BRAF: variants seen among roughly 807,000 people sequenced by gnomAD.
BRAF encodes B-Raf proto-oncogene, serine/threonine kinase, also known as serine/threonine-protein kinase B-raf.
A neutral mutation model predicts 104.6 loss-of-function variants in BRAF; 16 were observed. The ratio of observed to expected loss-of-function variants is 0.15; its 90% CI spans 0.10 to 0.23. BRAF has a LOEUF of 0.23. Ranked by LOEUF, BRAF falls within the 10% of genes least tolerant of loss-of-function variation. The pLI, the probability that BRAF is intolerant of heterozygous loss-of-function variation, is 1.00. For missense variants in BRAF, 541 were observed against 937.3 expected, an observed-to-expected ratio of 0.58 and a Z score of 5.52; for synonymous variants, 310 against 341.6, an observed-to-expected ratio of 0.91 and a Z score of 1.02.
Position 140,808,019 on chromosome 7 carries a change from T to C in BRAF, c.652A>G (p.Thr218Ala), listed in dbSNP as rs766353093. 3.1e-6 allele frequency: 5 copies of C among 1,613,496 alleles called. No homozygotes were observed. The highest frequency in any genetic ancestry group is 4.2e-6 in the Non-Finnish European group (5 of 1,179,566). Residue 218 changes from threonine to alanine, a missense_variant, in exon 5 of 20, where the codon ACT becomes GCT. By Grantham distance (58) the Thr-to-Ala change is moderately conservative. Transcript: ENST00000644969. ...ACTTCCACATGCAATTCTTCTCCAGTAAGCCAGGAAATATCAGTGTCCCAA... is the reference window on the plus strand; with the variant it reads ...ACTTCCACATGCAATTCTTCTCCAGCAAGCCAGGAAATATCAGTGTCCCAA... Reference protein sequence around the residue: ...IGWDTDISWLTGEELHVEVLE... With the variant: ...IGWDTDISWLAGEELHVEVLE...
At position 140,834,680 on chromosome 7, in the gene BRAF, C is replaced by T. The variant is rs1369170225; in HGVS notation, c.433G>A (p.Ala145Thr). Residue 145 changes from alanine to threonine, a missense_variant, in exon 3 of 20, where the codon GCA becomes ACA. Coordinates refer to ENST00000644969, the MANE Select transcript of BRAF (RefSeq NM_001374258.1). The stretch of plus-strand genomic sequence containing the variant: ...TGTGGTGACTTGGGGTTGCTCCGTG[C>T]CACATCTGTGGGATTTTGAAAAACT... ...LSVFQNPTDV[A>T]RSNPKSPQKP... 1 of 1,614,008 alleles carries T rather than the reference C, an allele frequency of 6.2e-7. No individual in the cohort carries two copies. The highest frequency in any genetic ancestry group is 8.5e-7 in the Non-Finnish European group (1 of 1,180,010).
intron 12 of BRAF, 124 bp from the exon 12 acceptor site, chr7:140,778,199 A>C (rs1800516746): frequency 1.1e-6 from 1 of 874,072 alleles, no homozygotes. Context: ...ATCACAAATA[A>C]ATTATACTTT....
At chr7:140,871,334 A>G (rs1811573198) in intron 1 of BRAF, among the ~76,000 whole-genome samples, 1 of 152,002 alleles carries the variant, frequency 6.6e-6, no homozygotes, top group African/African-American at 2.4e-5. Context: ...ATCAGCTTAC[A>G]GGGATTTCTG....
chr7:140,736,486 G>A lies in BRAF; in HGVS notation c.2248-1716C>T, dbSNP rs900313339. On this transcript the variant is annotated intron_variant, in intron 18 of 19. Coordinates refer to ENST00000644969, the MANE Select transcript of BRAF (RefSeq NM_001374258.1). ...CTTGTTGCCCAGGCTGGAGTGCAAT[G>A]GTGCGATCTCGGCTCACCGCAACCT... Among the ~76,000 whole-genome samples, 30 of 150,438 alleles carry A rather than the reference G, an allele frequency of 2.0e-4. 1 individual carries two copies. Among genetic ancestry groups the A allele is most frequent in the African/African-American group, 6.8e-4 (28 of 40,960 alleles).
At chr7:140,753,990 A>G (rs1797999414) in intron 15 of BRAF, 197 bp downstream of exon 14, 1 of 608,082 alleles carries the variant, frequency 1.6e-6, no homozygotes, top group Non-Finnish European at 2.9e-6. Context: ...ATTTTCTTGT[A>G]ATGTTCAGTT....
chr7:140,859,086 T>C (rs781479109), intron 1 of BRAF, among the ~76,000 whole-genome samples: 35 of 152,294 alleles, frequency 2.3e-4, no homozygotes, highest in Middle Eastern at 6.8e-3. Flanking sequence ...AGTAACATTA[T>C]AAAGAATCTA....
chr7:140,834,219 A>G (rs569089677), intron 3 of BRAF: 2 of 293,644 alleles, frequency 6.8e-6, no homozygotes, highest in Admixed American at 9.3e-5. Flanking sequence ...CATATCAATC[A>G]CACTGAACGT....
chr7:140,873,341 T>G lies in BRAF; in HGVS notation c.139-23129A>C, dbSNP rs188760171. 3.9e-5 allele frequency among the ~76,000 whole-genome samples: 6 copies of G among 152,278 alleles called. No homozygotes were observed. In the South Asian group the frequency reaches 6.2e-4, roughly 16 times the overall value. On this transcript the variant is annotated intron_variant, in intron 1 of 19. Transcript: ENST00000644969. ...ATGCACCACCATGCCTAGCTATTTT[T>G]GTATCTTTAGTACAGACAGGGTTTC...
chr7:140,741,243 T>C (rs967722698), intron 17 of BRAF: 1 of 152,180 alleles, frequency 6.6e-6, no homozygotes, highest in South Asian at 2.1e-4. Flanking sequence ...TTCTACAAGG[T>C]TGGTGTTGAC....
chr7:140,778,778 A>G (rs1800568357), intron 12 of BRAF, among the ~76,000 whole-genome samples: 1 of 152,098 alleles, frequency 6.6e-6, no homozygotes, highest in African/African-American at 2.4e-5. Flanking sequence ...TAACGTCAAC[A>G]CTGCCAGTAG....
At position 140,763,357 on chromosome 7, in the gene BRAF, C is replaced by T. The variant is rs367592628; in HGVS notation, c.1815-9124G>A. Among the ~76,000 whole-genome samples, 2,052 of 149,870 alleles carry T rather than the reference C, an allele frequency of 0.014. 129 individuals are homozygous for T. In the East Asian group the frequency reaches 0.22, roughly 16 times the overall value. ...GGGGCTGACCCCCCCACCTCCCTCCCGGACGGGGCAGCTGGCTGGGCAGAG... is the reference window on the plus strand; with the variant it reads ...GGGGCTGACCCCCCCACCTCCCTCCTGGACGGGGCAGCTGGCTGGGCAGAG... On this transcript the variant is annotated intron_variant, in intron 14 of 19. Coordinates refer to ENST00000644969, the MANE Select transcript of BRAF (RefSeq NM_001374258.1).
rs570205186 is a variant in BRAF at position 140,898,875 on chromosome 7, C to T, written c.138+25691G>A. ...TGTTTACGAATAGAATCATGTTGCA[C>T]TTAATCTTTTGTGACTTGGTTCTAA... On this transcript the variant is annotated intron_variant, in intron 1 of 19. Coordinates refer to ENST00000644969, the MANE Select transcript of BRAF (RefSeq NM_001374258.1). 5.9e-5 allele frequency among the ~76,000 whole-genome samples: 9 copies of T among 152,190 alleles called. No homozygotes were observed. The South Asian group carries it at 1.0e-3, about 18-fold the overall frequency.
chr7:140,721,403 A>G lies in BRAF; in HGVS notation c.*5091T>C. 1 of 1,253,472 alleles carries G rather than the reference A, an allele frequency of 8.0e-7. No homozygotes were observed. The highest frequency in any genetic ancestry group is 4.1e-5 in the Admixed American group (1 of 24,300). The allele number at this position is 1,253,472 out of a possible 1,614,324, so 77.6% of individuals were successfully genotyped here. ...ATAGGAACTGTTAATTACCCTTTCCACAATTAACAAAAATTAGAATTGAAT... is the reference window on the plus strand; with the variant it reads ...ATAGGAACTGTTAATTACCCTTTCCGCAATTAACAAAAATTAGAATTGAAT... On this transcript the variant is annotated 3_prime_UTR_variant, in exon 20 of 20. Coordinates refer to ENST00000644969, the MANE Select transcript of BRAF (RefSeq NM_001374258.1).
In BRAF at chr7:140,897,499, T is replaced by C. The variant is rs112254059; in HGVS notation, c.138+27067A>G. On this transcript the variant is annotated intron_variant, in intron 1 of 19. Transcript: ENST00000644969. ...TAGGAAAGATTTCTTTTTTCTTTTT[T>C]TTTTTTTTTTTTTTTGAGACAGAGT... is the stretch of plus-strand genomic sequence containing the variant. Among the ~76,000 whole-genome samples, 82 of 139,360 alleles carry C rather than the reference T, an allele frequency of 5.9e-4. 1 individual carries two copies. Among genetic ancestry groups the C allele is most frequent in the East Asian group, 3.2e-3 (16 of 5,030 alleles). 91.4% of individuals were successfully genotyped at this position (139,360 alleles called of 152,430 possible).
In BRAF at chr7:140,840,330, TAG is replaced by T. The variant is rs1807806091; in HGVS notation, c.241-5460_241-5459del. 1.3e-4 allele frequency among the ~76,000 whole-genome samples: 11 copies of T among 83,540 alleles called. No individual in the cohort carries two copies. In the South Asian group the frequency reaches 4.7e-3, roughly 35 times the overall value. 54.8% of individuals were successfully genotyped at this position (83,540 alleles called of 152,430 possible). A position where few individuals can be genotyped will look rare whatever the true frequency, so the allele number is the denominator to read the frequency against. On this transcript the variant is annotated intron_variant, in intron 2 of 19. Coordinates refer to ENST00000644969, the MANE Select transcript of BRAF (RefSeq NM_001374258.1). ...CCAAAAGCACAGCAACCACAGAAAA[TAG>T]ATAAATTGGAATTCCATCCACATTT... is the stretch of plus-strand genomic sequence containing the variant.
chr7:140,877,988 A>G (rs2129100347), intron 1 of BRAF, among the ~76,000 whole-genome samples: 1 of 152,298 alleles, frequency 6.6e-6, no homozygotes, highest in Non-Finnish European at 1.5e-5. Flanking sequence ...TCCATGAAAC[A>G]GAAAAGGAGT....
In BRAF at chr7:140,725,808, C is replaced by T; in HGVS notation, c.*686G>A. 9.4e-7 allele frequency: 1 copy of T among 1,063,092 alleles called. No homozygotes were observed. The allele number at this position is 1,063,092 out of a possible 1,614,324, so 65.9% of individuals were successfully genotyped here. The stretch of plus-strand genomic sequence containing the variant: ...TTGGTTAGACAGACCCCTCAGTGAG[C>T]AAGGAAACAAAAGGCCAGAGACCCC... On this transcript the variant is annotated 3_prime_UTR_variant, in exon 20 of 20. Transcript: ENST00000644969.
intron 2 of BRAF, among the ~76,000 whole-genome samples, chr7:140,840,803 C>T (rs901729104): frequency 2.0e-5 from 3 of 151,400 alleles, no homozygotes; most frequent in African/African-American, 7.3e-5. Context: ...CAACTTCCGC[C>T]TCCCAGGCTC....
At chr7:140,758,443 A>AT (rs2129002943) in intron 14 of BRAF, among the ~76,000 whole-genome samples, 1 of 152,102 alleles carries the variant, frequency 6.6e-6, no homozygotes, top group Non-Finnish European at 1.5e-5. Flanking sequence ...TTTTGCCTTG[A>AT]TTTTTTAGTT....
Sources: gnomAD v4.1 joint callset for allele counts (sites outside exome capture counted in the v4.1 genomes callset) on GRCh38, gnomAD v4.1.1 for gene constraint, MANE v1.5 for transcripts, NCBI Gene and HGNC (gene_info 2026-07-23, HGNC 2026-07-21) for gene names.